The following ANK1 variants were observed in gnomAD, a reference collection of about 807,000 sequenced individuals.
ANK1 encodes ankyrin 1.
Under a neutral mutation model 210.4 loss-of-function variants are expected in ANK1, and 51 were observed. That is an observed-to-expected ratio of 0.24 (90% CI 0.19 to 0.31). The LOEUF is 0.31. Among genes scored for constraint, ANK1 ranks in the 10% least tolerant of loss-of-function variants. The pLI is 1.00. For missense variants in ANK1, 2,051 were observed against 2,504.4 expected, an observed-to-expected ratio of 0.82 and a Z score of 3.86; for synonymous variants, 967 against 1,025.9, an observed-to-expected ratio of 0.94 and a Z score of 1.10.
At chr8:41,674,214 C>T (rs1476419431) in intron 37 of ANK1, among the ~76,000 whole-genome samples, 1 of 152,342 alleles carries the variant, frequency 6.6e-6, no homozygotes, top group East Asian at 1.9e-4. Context: ...TATTCTCATC[C>T]ACTCACTGTT....
At chr8:41,795,412 G>A (rs1347315422) in intron 1 of ANK1, among the ~76,000 whole-genome samples, 2 of 152,080 alleles carry the variant, frequency 1.3e-5, no homozygotes, top group Non-Finnish European at 2.9e-5. Context: ...AGGAGGCTGA[G>A]GCACGAGGAT....
chr8:41,718,884 C>T (rs1167038018), intron 10 of ANK1, among the ~76,000 whole-genome samples: 1 of 152,180 alleles, frequency 6.6e-6, no homozygotes, highest in Non-Finnish European at 1.5e-5. Context: ...CCACAAATAT[C>T]GACCCCAAAT....
intron 1 of ANK1, among the ~76,000 whole-genome samples, chr8:41,827,692 T>TCA (rs10558531): frequency 9.2e-6 from 1 of 108,528 alleles, no homozygotes; most frequent in Non-Finnish European, 2.1e-5. Flanking sequence ...ATATACACAC[T>TCA]CACACACACT....
In ANK1 at chr8:41,766,993, C is replaced by G. The variant is rs570590656; in HGVS notation, c.28-8856G>C. ...CCCCTGGGGTGAGGGGACTTGGCCT[C>G]GGCCAGGGCCCGGCCCCCCTCGGGG... On this transcript the variant is annotated intron_variant, in intron 1 of 42. Transcript: ENST00000289734. Among the ~76,000 whole-genome samples the G allele has an allele frequency of 2.6e-5, 4 of 152,260 alleles. No individual in the cohort carries two copies. The South Asian group carries it at 8.3e-4, about 32-fold the overall frequency.
At chr8:41,753,876 T>C (rs1838407867) in intron 2 of ANK1, among the ~76,000 whole-genome samples, 1 of 152,210 alleles carries the variant, frequency 6.6e-6, no homozygotes, top group South Asian at 2.1e-4. Context: ...CCTCTGCTCC[T>C]TTCTCTGCCT....
intron 1 of ANK1, among the ~76,000 whole-genome samples, chr8:41,780,793 CGTGT>C (rs1328367994): frequency 2.6e-5 from 4 of 152,166 alleles, no homozygotes; most frequent in East Asian, 1.9e-4. Context: ...TATATGTTCT[CGTGT>C]GTGTGTATGT....
chr8:41,791,202 T>G (rs1261565000), intron 1 of ANK1, among the ~76,000 whole-genome samples: 22 of 137,526 alleles, frequency 1.6e-4, no homozygotes, highest in Admixed American at 1.1e-3. Context: ...TTGTTTTTTT[T>G]TTTTTTTTTT....
In ANK1 at chr8:41,655,461, G is replaced by A. The variant is rs868688551; in HGVS notation, c.*329C>T. ...AAAGCCCTCATTCACTTTTGCGTTC[G>A]CAGGCTCTCCTGCGCTTGTTTTCTA... On this transcript the variant is annotated 3_prime_UTR_variant, in exon 43 of 43. Transcript: ENST00000289734. The A allele has an allele frequency of 3.3e-5, 14 of 424,190 alleles. No homozygotes were observed. The highest frequency in any genetic ancestry group is 2.5e-4 in the East Asian group (7 of 27,664). 26.3% of individuals were successfully genotyped at this position (424,190 alleles called of 1,614,324 possible). A position where few individuals can be genotyped will look rare whatever the true frequency, so the allele number is the denominator to read the frequency against.
intron 20 of ANK1, among the ~76,000 whole-genome samples, chr8:41,703,453 T>A (rs866928018): frequency 0.022 from 2,012 of 91,824 alleles, 13 homozygotes; most frequent in Non-Finnish European, 0.033. Context: ...TATATATATT[T>A]TTTTTTTTTT....
chr8:41,839,795 A>T (rs1808506139), intron 1 of ANK1, among the ~76,000 whole-genome samples: 2 of 152,364 alleles, frequency 1.3e-5, no homozygotes, highest in East Asian at 3.9e-4. Flanking sequence ...ACTAAATGTC[A>T]TGTGGCATCC....
chr8:41,716,178 G>A (rs1198244270), intron 13 of ANK1, among the ~76,000 whole-genome samples: 1 of 152,128 alleles, frequency 6.6e-6, no homozygotes, highest in Non-Finnish European at 1.5e-5. Context: ...AATGTACATG[G>A]TTTCTGCGTT....
At chr8:41,815,311 G>GA in intron 1 of ANK1, among the ~76,000 whole-genome samples, 1 of 151,592 alleles carries the variant, frequency 6.6e-6, no homozygotes, top group Non-Finnish European at 1.5e-5. Flanking sequence ...TCAAAAGGTG[G>GA]AAAAAAAATT....
At chr8:41,788,828 C>T (rs1403069061) in intron 1 of ANK1, 1 of 152,202 alleles carries the variant, frequency 6.6e-6, no homozygotes, top group East Asian at 1.9e-4. Context: ...TTCCCCAACC[C>T]CTGTGGACTA....
At chr8:41,830,461 C>T (rs1328536527) in intron 1 of ANK1, among the ~76,000 whole-genome samples, 5 of 151,870 alleles carry the variant, frequency 3.3e-5, no homozygotes, top group African/African-American at 4.8e-5. Context: ...GATAAAATCC[C>T]GTCAACTTGA....
chr8:41,656,690 G>A (rs1328793738), intron 42 of ANK1, among the ~76,000 whole-genome samples: 2 of 152,218 alleles, frequency 1.3e-5, no homozygotes, highest in Non-Finnish European at 2.9e-5. Context: ...GGGCAGGGTG[G>A]GAAGTGACAC....
chr8:41,848,911 A>T (rs1810623983), intron 1 of ANK1, among the ~76,000 whole-genome samples: 1 of 152,154 alleles, frequency 6.6e-6, no homozygotes, highest in Non-Finnish European at 1.5e-5. Context: ...CCTGGGCCAG[A>T]CCCAGTCTCC....
At chr8:41,848,508 T>C (rs1236886900) in intron 1 of ANK1, among the ~76,000 whole-genome samples, 1 of 152,218 alleles carries the variant, frequency 6.6e-6, no homozygotes, top group East Asian at 1.9e-4. Context: ...ACGTTGCTGA[T>C]GCCCTTCCCC....
At chr8:41,709,729 G>A (rs1825644435) in intron 16 of ANK1, among the ~76,000 whole-genome samples, 1 of 152,174 alleles carries the variant, frequency 6.6e-6, no homozygotes, top group Non-Finnish European at 1.5e-5. Context: ...GAGGCCAGGA[G>A]TTTGAGACCA....
At chr8:41,740,426 C>T (rs531443140) in intron 2 of ANK1, among the ~76,000 whole-genome samples, 1 of 151,558 alleles carries the variant, frequency 6.6e-6, no homozygotes, top group East Asian at 2.0e-4. Flanking sequence ...TCCCAAAGTG[C>T]TGGGATTACA....
Sources: allele counts gnomAD v4.1 joint callset (sites outside exome capture counted in the v4.1 genomes callset), GRCh38; gene constraint gnomAD v4.1.1; transcripts MANE v1.5; gene names NCBI Gene and HGNC (gene_info 2026-07-23, HGNC 2026-07-21).